ZSCAN21: variants seen among roughly 807,000 people sequenced by gnomAD.
The protein encoded by ZSCAN21 is zinc finger and SCAN domain-containing protein 21.
ZSCAN21 carries 26 observed loss-of-function variants against 35.6 expected under a neutral mutation model. The observed-to-expected ratio is 0.73, with a 90% CI of 0.54 to 1.01. ZSCAN21 has a LOEUF of 1.01. Among genes scored for constraint, ZSCAN21 ranks in the 50% least tolerant of loss-of-function variants. The probability of loss-of-function intolerance (pLI) is 0.00; values close to 1 mark genes in which losing one functional copy is unlikely to be tolerated. For missense variants in ZSCAN21, 593 were observed against 587.1 expected, an observed-to-expected ratio of 1.01 and a Z score of -0.10; for synonymous variants, 219 against 219.3, an observed-to-expected ratio of 1.00 and a Z score of 0.01.
rs770002596 is a variant in ZSCAN21, at chr7:100,057,726, C to G, written c.428C>G (p.Pro143Arg). The change falls in exon 3 of 4, where the codon CCG (proline) becomes CGG (arginine). Residue 143 changes from proline to arginine, a missense_variant. By Grantham distance (103) the Pro-to-Arg change is moderately radical (BLOSUM62 -2). Transcript: ENST00000292450. ...QVSTPPNEQK[P>R]VWEKISSSGT... is the part of the protein sequence containing the mutation. ...TCAACTCCTCCAAACGAACAGAAACCGGTGTGGGAGAAGATATCCTCCTCA... is the reference window on the plus strand; with the variant it reads ...TCAACTCCTCCAAACGAACAGAAACGGGTGTGGGAGAAGATATCCTCCTCA... The G allele has an allele frequency of 6.2e-7, 1 of 1,612,854 alleles. No homozygotes were observed. Among genetic ancestry groups the G allele is most frequent in the Non-Finnish European group, 8.5e-7 (1 of 1,179,516 alleles).
chr7:100,053,546 ATTTTTTT>A (rs1554358004), intron 1 of ZSCAN21, among the ~76,000 whole-genome samples: 1 of 79,488 alleles, frequency 1.3e-5, no homozygotes, highest in Non-Finnish European at 2.6e-5. Context: ...TACATACATA[ATTTTTTT>A]TTTTTTTTTT....
In ZSCAN21 at chr7:100,057,646, T is replaced by C. The variant is rs186318978; in HGVS notation, c.400-52T>C. ...TGTAGCTCTACTGGGATTTTCATTC[T>C]TGGTCTTAAAGTGAGCCATGCACAA... On this transcript the variant is annotated intron_variant, in intron 2 of 3. Transcript: ENST00000292450. 3.6e-5 allele frequency: 55 copies of C among 1,509,694 alleles called. No individual in the cohort carries two copies. The East Asian group carries it at 1.2e-3, about 33-fold the overall frequency. The allele number at this position is 1,509,694 out of a possible 1,614,324, so 93.5% of individuals were successfully genotyped here.
Position 100,056,908 on chromosome 7 carries a change from T to C in ZSCAN21, c.-96-3T>C. On this transcript the variant is annotated splice_polypyrimidine_tract_variant and splice_region_variant and intron_variant, in intron 1 of 3. Transcript: ENST00000292450. ...TTATTTTTTGGTAACTATATTTTCT[T>C]AGGTTTAACTTGTGGCCCTAAAGAA... The C allele has an allele frequency of 2.4e-6, 3 of 1,258,672 alleles. No homozygotes were observed. The highest frequency in any genetic ancestry group is 1.1e-6 in the Non-Finnish European group (1 of 927,368). The allele number at this position is 1,258,672 out of a possible 1,614,324, so 78.0% of individuals were successfully genotyped here. A position where few individuals can be genotyped will look rare whatever the true frequency, so the allele number is the denominator to read the frequency against.
Position 100,064,028 on chromosome 7 carries a change from T to C in ZSCAN21, c.833T>C (p.Ile278Thr). ...TKPTPGERRY[I>T]CAECGKAFSN... Reference sequence around the variant, plus strand: ...CCTACCCCAGGAGAGAGACGTTATATATGTGCTGAATGTGGCAAAGCCTTT... The same window carrying C: ...CCTACCCCAGGAGAGAGACGTTATACATGTGCTGAATGTGGCAAAGCCTTT... Residue 278 changes from isoleucine to threonine, a missense_variant, in exon 4 of 4, where the codon ATA (isoleucine) becomes ACA (threonine). Coordinates refer to ENST00000292450, the MANE Select transcript of ZSCAN21 (RefSeq NM_145914.3). 1 of 1,614,156 alleles carries C rather than the reference T, an allele frequency of 6.2e-7. No individual in the cohort carries two copies. The highest frequency in any genetic ancestry group is 1.3e-5 in the African/African-American group (1 of 75,054).
At chr7:100,053,105 A>C (rs1425352200) in intron 1 of ZSCAN21, among the ~76,000 whole-genome samples, 1 of 151,452 alleles carries the variant, frequency 6.6e-6, no homozygotes, top group East Asian at 1.9e-4. Context: ...CAGCCTGGGC[A>C]ACGGAGTGAG....
Position 100,055,785 on chromosome 7 carries a change from G to A in ZSCAN21, c.-96-1126G>A, listed in dbSNP as rs530663959. On this transcript the variant is annotated intron_variant, in intron 1 of 3. Coordinates refer to ENST00000292450, the MANE Select transcript of ZSCAN21 (RefSeq NM_145914.3). Reference sequence around the variant, plus strand: ...CCTCCCGAATAGCTGGACTACAGGCGCCTGCAACCACGCCCGGCTAACTTT... The same window carrying A: ...CCTCCCGAATAGCTGGACTACAGGCACCTGCAACCACGCCCGGCTAACTTT... Among the ~76,000 whole-genome samples, 234 of 149,040 alleles carry A rather than the reference G, an allele frequency of 1.6e-3. 1 individual carries two copies. Among genetic ancestry groups the A allele is most frequent in the African/African-American group, 5.6e-3 (228 of 40,454 alleles).
At position 100,064,730 on chromosome 7, in the gene ZSCAN21, A is replaced by C. The variant is rs1792552268; in HGVS notation, c.*113A>C. 1.5e-5 allele frequency: 24 copies of C among 1,612,744 alleles called. No homozygotes were observed. Among genetic ancestry groups the C allele is most frequent in the Non-Finnish European group, 2.0e-5 (24 of 1,179,064 alleles). On this transcript the variant is annotated 3_prime_UTR_variant, in exon 4 of 4. Coordinates refer to ENST00000292450, the MANE Select transcript of ZSCAN21 (RefSeq NM_145914.3). ...CCGGTGATAGAGTTTGTATCACTCA[A>C]CATCAGGGGATGCCTGAGGAGTGCG...
rs1305293858 is a variant in ZSCAN21 at position 100,059,279 on chromosome 7, T to C, written c.592+1389T>C. Among the ~76,000 whole-genome samples the C allele has an allele frequency of 2.6e-5, 4 of 152,242 alleles. No individual in the cohort carries two copies. In the East Asian group the frequency reaches 7.7e-4, roughly 29 times the overall value. On this transcript the variant is annotated intron_variant, in intron 3 of 3. Coordinates refer to ENST00000292450, the MANE Select transcript of ZSCAN21 (RefSeq NM_145914.3). ...TAGCTAAATTCTTCATGGTTTATGG[T>C]GAACACAGTAGACCTCTCCAGGCAA... is the stretch of plus-strand genomic sequence containing the variant.
chr7:100,064,886 G>T lies in ZSCAN21; in HGVS notation c.*269G>T. 1 of 1,602,346 alleles carries T rather than the reference G, an allele frequency of 6.2e-7. No individual in the cohort carries two copies. The highest frequency in any genetic ancestry group is 1.1e-5 in the South Asian group (1 of 90,462). On this transcript the variant is annotated 3_prime_UTR_variant, in exon 4 of 4. Transcript: ENST00000292450. ...GTAAGCCATGCCAGCATTACCTTTT[G>T]CGTAGTTAAACAGACGTGTATCCAG...
In ZSCAN21 at chr7:100,064,329, C is replaced by G; in HGVS notation, c.1134C>G (p.His378Gln). ...AFSGKGSLIR[H>Q]YRIHTGEKPY... The stretch of plus-strand genomic sequence containing the variant: ...GCGGGAAAGGCAGCCTCATTCGTCA[C>G]TATCGGATCCACACTGGGGAGAAGC... Residue 378 changes from histidine (H) to glutamine (Q), a missense_variant, in exon 4 of 4, where the codon CAC (histidine) becomes CAG (glutamine). By Grantham distance (24) the His-to-Gln change is conservative (BLOSUM62 0). Transcript: ENST00000292450. 1 of 1,614,172 alleles carries G rather than the reference C, an allele frequency of 6.2e-7. No homozygotes were observed. The highest frequency in any genetic ancestry group is 8.5e-7 in the Non-Finnish European group (1 of 1,180,036).
intron 3 of ZSCAN21, among the ~76,000 whole-genome samples, chr7:100,059,156 A>G (rs1021161166): frequency 3.9e-5 from 6 of 152,226 alleles, no homozygotes; most frequent in African/African-American, 1.2e-4. Context: ...ATCTCCCTCC[A>G]TGCTTGCTGT....
At chr7:100,061,045 G>A (rs936090619) in intron 3 of ZSCAN21, among the ~76,000 whole-genome samples, 3 of 151,814 alleles carry the variant, frequency 2.0e-5, no homozygotes, top group Non-Finnish European at 4.4e-5. Context: ...CAGCCTGGGC[G>A]ACAGAGTGAG....
chr7:100,062,799 C>T (rs1420809304), intron 3 of ZSCAN21, among the ~76,000 whole-genome samples: 1 of 151,910 alleles, frequency 6.6e-6, no homozygotes, highest in African/African-American at 2.4e-5. Flanking sequence ...CACTTGAACC[C>T]AGGAGCGGAG....
chr7:100,061,868 G>A (rs1792301791), intron 3 of ZSCAN21, among the ~76,000 whole-genome samples: 2 of 152,208 alleles, frequency 1.3e-5, no homozygotes, highest in South Asian at 4.1e-4. Flanking sequence ...CCATTTTTCA[G>A]AGCGAATTTC....
At chr7:100,056,097 G>A (rs1380684599) in intron 1 of ZSCAN21, among the ~76,000 whole-genome samples, 2 of 150,012 alleles carry the variant, frequency 1.3e-5, no homozygotes, top group East Asian at 2.0e-4. Flanking sequence ...CCGCCACCAC[G>A]CCTGGCTAAT....
chr7:100,063,935 A>G lies in ZSCAN21; in HGVS notation c.740A>G (p.Glu247Gly). Reference sequence around the variant, plus strand: ...AGGCAGTGCGTAAACCTTGAAAATGAAAAAGGAACAAAACCCCCTCTTCAA... The same window carrying G: ...AGGCAGTGCGTAAACCTTGAAAATGGAAAAGGAACAAAACCCCCTCTTCAA... ...LERQCVNLENEKGTKPPLQEA... is the reference protein window; with the variant it reads ...LERQCVNLENGKGTKPPLQEA... The change falls in exon 4 of 4, where the codon GAA becomes GGA. Residue 247 changes from glutamate to glycine, a missense_variant. Coordinates refer to ENST00000292450, the MANE Select transcript of ZSCAN21 (RefSeq NM_145914.3). 6.2e-7 allele frequency: 1 copy of G among 1,614,154 alleles called. No homozygotes were observed. Among genetic ancestry groups the G allele is most frequent in the Non-Finnish European group, 8.5e-7 (1 of 1,180,036 alleles).
intron 1 of ZSCAN21, among the ~76,000 whole-genome samples, chr7:100,056,496 G>A (rs530396847): frequency 4.0e-5 from 6 of 151,390 alleles, no homozygotes; most frequent in Non-Finnish European, 5.9e-5. Flanking sequence ...ATGGAATCTC[G>A]CTCTGTTGCG....
chr7:100,057,046 C>T lies in ZSCAN21; in HGVS notation c.40C>T (p.Pro14Ser), dbSNP rs1792097329. 5 of 1,613,820 alleles carry T rather than the reference C, an allele frequency of 3.1e-6. No homozygotes were observed. The highest frequency in any genetic ancestry group is 4.5e-5 in the East Asian group (2 of 44,882). Residue 14 changes from proline (P) to serine (S), a missense_variant, in exon 2 of 4, where the codon CCT becomes TCT. Transcript: ENST00000292450. ...ACTAGGCATGGCCCCAGTTCTGGGC[C>T]CTAGGCCTCCACAGGAGCAGGTGGG... ...KVLGMAPVLG[P>S]RPPQEQVGPL...
At chr7:100,054,238 GTTTTGTT>G (rs1213414231) in intron 1 of ZSCAN21, among the ~76,000 whole-genome samples, 1 of 151,238 alleles carries the variant, frequency 6.6e-6, no homozygotes, top group Admixed American at 6.6e-5. Flanking sequence ...GTTATAGTGT[GTTTTGTT>G]TTTTGTTTTT....
Sources: gnomAD v4.1 joint callset for allele counts (sites outside exome capture counted in the v4.1 genomes callset) on GRCh38, gnomAD v4.1.1 for gene constraint, MANE v1.5 for transcripts, NCBI Gene and HGNC (gene_info 2026-07-23, HGNC 2026-07-21) for gene names.